The following GUCY1A2 variants were observed in gnomAD, a reference collection of about 807,000 sequenced individuals.
GUCY1A2 encodes the protein guanylate cyclase 1 soluble subunit alpha 2.
Under a neutral mutation model 63.5 loss-of-function variants are expected in GUCY1A2, and 27 were observed. The observed-to-expected ratio is 0.43, with a 90% CI of 0.31 to 0.59. The LOEUF (loss-of-function observed/expected upper bound fraction) is 0.59. GUCY1A2 is among the 20% of genes least tolerant of loss of function. The pLI, the probability that GUCY1A2 is intolerant of heterozygous loss-of-function variation, is 0.11. For missense variants in GUCY1A2, 768 were observed against 913.3 expected (o/e 0.84, Z 2.05); for synonymous variants, 364 against 343.5 (o/e 1.06, Z -0.66).
intron 4 of GUCY1A2, among the ~76,000 whole-genome samples, chr11:106,905,363 C>T (rs953734357): frequency 6.6e-6 from 1 of 152,080 alleles, no homozygotes; most frequent in African/African-American, 2.4e-5. Context: ...TATTTTCTCA[C>T]ATATCTGGAA....
At chr11:106,839,649 C>G (rs1859168544) in intron 4 of GUCY1A2, among the ~76,000 whole-genome samples, 1 of 151,806 alleles carries the variant, frequency 6.6e-6, no homozygotes, top group Non-Finnish European at 1.5e-5. Flanking sequence ...GAAAATGTGG[C>G]ACATATACAC....
intron 6 of GUCY1A2, among the ~76,000 whole-genome samples, chr11:106,732,632 C>A (rs2135372642): frequency 6.6e-6 from 1 of 152,148 alleles, no homozygotes; most frequent in South Asian, 2.1e-4. Context: ...AAATGTTATT[C>A]CTAACAATGA....
intron 1 of GUCY1A2, among the ~76,000 whole-genome samples, chr11:106,992,325 CTTTTTTTTT>C (rs11297661): frequency 8.8e-6 from 1 of 113,756 alleles, no homozygotes; most frequent in Non-Finnish European, 1.8e-5. Flanking sequence ...AAGAATATGT[CTTTTTTTTT>C]TTTTTTTTTT....
At chr11:106,827,781 T>A (rs764929219) in intron 4 of GUCY1A2, 7 of 1,546,444 alleles carry the variant, frequency 4.5e-6, no homozygotes, top group Non-Finnish European at 6.3e-6. Context: ...CAAGAGAATA[T>A]CTTCTGATGG....
intron 6 of GUCY1A2, among the ~76,000 whole-genome samples, chr11:106,723,508 G>A (rs1194944356): frequency 6.6e-6 from 1 of 152,108 alleles, no homozygotes; most frequent in Non-Finnish European, 1.5e-5. Flanking sequence ...AACCTTCCTG[G>A]TACACAGCAG....
At chr11:106,824,961 G>A in intron 4 of GUCY1A2, 1 of 1,612,996 alleles carries the variant, frequency 6.2e-7, no homozygotes, top group Non-Finnish European at 8.5e-7. Context: ...TGCCTGACAT[G>A]AATGTTACTA....
intron 1 of GUCY1A2, among the ~76,000 whole-genome samples, chr11:107,014,813 T>C (rs1182818210): frequency 2.0e-5 from 3 of 152,148 alleles, no homozygotes; most frequent in East Asian, 1.9e-4. Flanking sequence ...CTGAAGTATA[T>C]TGTGATGGCA....
At chr11:106,768,906 C>T (rs934212575) in intron 6 of GUCY1A2, among the ~76,000 whole-genome samples, 13 of 152,024 alleles carry the variant, frequency 8.6e-5, no homozygotes, top group African/African-American at 3.1e-4. Flanking sequence ...AAAGCCCTCC[C>T]CACTTTGAGA....
chr11:106,825,571 A>G (rs540997140), intron 4 of GUCY1A2, among the ~76,000 whole-genome samples: 120 of 151,732 alleles, frequency 7.9e-4, no homozygotes, highest in Non-Finnish European at 1.6e-3. Context: ...ATACTTAGCT[A>G]TATTTTTTCT....
At chr11:106,777,199 C>T (rs1183274164) in intron 5 of GUCY1A2, among the ~76,000 whole-genome samples, 1 of 152,034 alleles carries the variant, frequency 6.6e-6, no homozygotes, top group African/African-American at 2.4e-5. Flanking sequence ...CTCCTGTAGC[C>T]CCAGCACTTT....
At chr11:106,735,659 T>C (rs777961812) in intron 6 of GUCY1A2, among the ~76,000 whole-genome samples, 2 of 152,190 alleles carry the variant, frequency 1.3e-5, no homozygotes, top group Non-Finnish European at 2.9e-5. Flanking sequence ...AGCAGTGGGA[T>C]TGCTGGATCA....
chr11:106,700,884 T>C (rs748278944), intron 7 of GUCY1A2, among the ~76,000 whole-genome samples: 46 of 152,052 alleles, frequency 3.0e-4, no homozygotes, highest in Non-Finnish European at 1.3e-4. Context: ...TAAGCGTCCA[T>C]AGGAAGAAGA....
chr11:106,841,023 A>G (rs1468783203), intron 4 of GUCY1A2, among the ~76,000 whole-genome samples: 1 of 151,888 alleles, frequency 6.6e-6, no homozygotes, highest in Non-Finnish European at 1.5e-5. Flanking sequence ...ATATTTTAAT[A>G]CCTTTCTAGT....
intron 4 of GUCY1A2, among the ~76,000 whole-genome samples, chr11:106,923,155 T>C (rs1246032346): frequency 6.6e-6 from 1 of 152,160 alleles, no homozygotes; most frequent in African/African-American, 2.4e-5. Flanking sequence ...GTTTAAGTAA[T>C]CAGATTATTT....
At chr11:106,925,896 G>A (rs1860515079) in intron 4 of GUCY1A2, among the ~76,000 whole-genome samples, 1 of 152,084 alleles carries the variant, frequency 6.6e-6, no homozygotes, top group Non-Finnish European at 1.5e-5. Context: ...TAAAATAAAT[G>A]TAGAATTTTG....
intron 4 of GUCY1A2, among the ~76,000 whole-genome samples, chr11:106,838,392 T>C (rs926547200): frequency 2.6e-5 from 4 of 151,998 alleles, no homozygotes; most frequent in Non-Finnish European, 2.9e-5. Context: ...TGAAAATGTA[T>C]AAAGTTGAAA....
intron 5 of GUCY1A2, among the ~76,000 whole-genome samples, chr11:106,782,653 A>T (rs1229561288): frequency 6.6e-6 from 1 of 152,216 alleles, no homozygotes; most frequent in Non-Finnish European, 1.5e-5. Flanking sequence ...ATGGTTGGCC[A>T]AGAGTCTGAG....
chr11:107,016,546 C>T (rs1367112548), intron 1 of GUCY1A2, among the ~76,000 whole-genome samples: 2 of 152,200 alleles, frequency 1.3e-5, no homozygotes, highest in Admixed American at 1.3e-4. Flanking sequence ...ACACCTGAAA[C>T]TGCTGATACA....
chr11:106,871,597 A>G (rs1048414668), intron 4 of GUCY1A2, among the ~76,000 whole-genome samples: 1 of 152,140 alleles, frequency 6.6e-6, no homozygotes, highest in Admixed American at 6.6e-5. Context: ...TACCAGTTAT[A>G]TTGTATTAAA....
Sources: gnomAD v4.1 joint callset for allele counts (sites outside exome capture counted in the v4.1 genomes callset) on GRCh38, gnomAD v4.1.1 for gene constraint, MANE v1.5 for transcripts, NCBI Gene and HGNC (gene_info 2026-07-23, HGNC 2026-07-21) for gene names.